CD2AP: variants seen among roughly 807,000 people sequenced by gnomAD.
CD2AP encodes the protein CD2 associated protein.
A neutral mutation model predicts 85.1 loss-of-function variants in CD2AP; 46 were observed. The ratio of observed to expected loss-of-function variants is 0.54; its 90% CI spans 0.43 to 0.69. The LOEUF is 0.69. CD2AP is among the 30% of genes least tolerant of loss of function. CD2AP has a pLI of 0.00. For missense variants in CD2AP, 769 were observed against 729.5 expected, an observed-to-expected ratio of 1.05 and a Z score of -0.62; for synonymous variants, 255 against 252.9, an observed-to-expected ratio of 1.01 and a Z score of -0.08.
chr6:47,602,935 A>G (rs1769180287), intron 13 of CD2AP, among the ~76,000 whole-genome samples: 1 of 152,050 alleles, frequency 6.6e-6, no homozygotes, highest in Non-Finnish European at 1.5e-5. Context: ...TTAAAGAAAC[A>G]CATTATTCGA....
intron 4 of CD2AP, among the ~76,000 whole-genome samples, chr6:47,547,295 A>G (rs763846209): frequency 1.3e-5 from 2 of 152,158 alleles, no homozygotes; most frequent in African/African-American, 4.8e-5. Flanking sequence ...GCTGCCTTCA[A>G]GAGACTCACT....
chr6:47,619,734 G>GT (rs1474199953), intron 17 of CD2AP, among the ~76,000 whole-genome samples: 1 of 152,120 alleles, frequency 6.6e-6, no homozygotes, highest in Non-Finnish European at 1.5e-5. Flanking sequence ...AACATCTACT[G>GT]TTTTTTGATT....
rs758523796 is a variant in CD2AP at position 47,533,657 on chromosome 6, G to T, written c.221G>T (p.Arg74Met). Reference sequence around the variant, plus strand: ...GACAGTTTGCCCATCAAACGGGAAAGGCATGGGAATGTAGCAAGTCTTGTA... The same window carrying T: ...GACAGTTTGCCCATCAAACGGGAAATGCATGGGAATGTAGCAAGTCTTGTA... ...KDDSLPIKRE[R>M]HGNVASLVQR... The change falls in exon 3 of 18, where the codon AGG becomes ATG. Residue 74 changes from arginine (R) to methionine (M), a missense_variant. Transcript: ENST00000359314. 6.9e-5 allele frequency: 112 copies of T among 1,614,066 alleles called. 1 individual carries two copies. The East Asian group carries it at 2.5e-3, about 35-fold the overall frequency.
chr6:47,545,674 CG>C (rs1336919025), intron 4 of CD2AP, among the ~76,000 whole-genome samples: 1 of 152,164 alleles, frequency 6.6e-6, no homozygotes, highest in Non-Finnish European at 1.5e-5. Flanking sequence ...AAGAGACCCA[CG>C]GATGGTTCAC....
intron 11 of CD2AP, among the ~76,000 whole-genome samples, chr6:47,583,507 A>C (rs1260235498): frequency 6.6e-6 from 1 of 152,158 alleles, no homozygotes; most frequent in East Asian, 1.9e-4. Context: ...TCATATAGTT[A>C]GAATCATACA....
In CD2AP at chr6:47,478,116, G is replaced by C; in HGVS notation, c.-129G>C. On this transcript the variant is annotated 5_prime_UTR_variant, in exon 1 of 18. Transcript: ENST00000359314. ...GCGGATGGAGGCGACTCTTCGCCCC[G>C]CCTGAGCTCAGGAGGGGCTAGCGCG... The C allele has an allele frequency of 8.1e-7, 1 of 1,231,684 alleles. No homozygotes were observed. The highest frequency in any genetic ancestry group is 1.2e-6 in the Non-Finnish European group (1 of 860,886). The allele number at this position is 1,231,684 out of a possible 1,614,324, so 76.3% of individuals were successfully genotyped here. A position where few individuals can be genotyped will look rare whatever the true frequency, so the allele number is the denominator to read the frequency against.
chr6:47,508,534 CTT>C (rs374284567), intron 2 of CD2AP, among the ~76,000 whole-genome samples: 13 of 129,374 alleles, frequency 1.0e-4, no homozygotes, highest in East Asian at 2.3e-4. Flanking sequence ...TTCTTTCTTT[CTT>C]TTTTTTTTTG....
At chr6:47,549,672 C>T (rs1371784340) in intron 4 of CD2AP, among the ~76,000 whole-genome samples, 2 of 151,628 alleles carry the variant, frequency 1.3e-5, no homozygotes, top group Admixed American at 6.6e-5. Context: ...AATTCCTATA[C>T]ATACCACCAT....
At chr6:47,534,102 T>G (rs973677667) in intron 3 of CD2AP, among the ~76,000 whole-genome samples, 3 of 152,232 alleles carry the variant, frequency 2.0e-5, no homozygotes, top group Non-Finnish European at 4.4e-5. Flanking sequence ...TACAAGAATT[T>G]TGATAGTGCT....
rs570511925 is a variant in CD2AP at position 47,554,677 on chromosome 6, A to G, written c.452A>G (p.Asn151Ser). 17 of 1,613,840 alleles carry G rather than the reference A, an allele frequency of 1.1e-5. No homozygotes were observed. In the East Asian group the frequency reaches 3.6e-4, roughly 34 times the overall value. Residue 151 changes from asparagine to serine, a missense_variant, in exon 5 of 18, where the codon AAT becomes AGT. Coordinates refer to ENST00000359314, the MANE Select transcript of CD2AP (RefSeq NM_012120.3). ...GAAGGCTGGTGGAGTGGAACCCTGA[A>G]TAACAAGTTGGGACTGTTTCCCTCA... ...VEEGWWSGTL[N>S]NKLGLFPSNF...
chr6:47,592,312 T>C (rs564422952), intron 11 of CD2AP, among the ~76,000 whole-genome samples: 3 of 152,114 alleles, frequency 2.0e-5, no homozygotes, highest in Non-Finnish European at 4.4e-5. Context: ...AAGAATGAAG[T>C]TGGAGCCCTA....
At chr6:47,606,673 T>A (rs939202774) in intron 14 of CD2AP, among the ~76,000 whole-genome samples, 2 of 152,050 alleles carry the variant, frequency 1.3e-5, no homozygotes, top group African/African-American at 4.8e-5. Flanking sequence ...TCTAAATTTT[T>A]AAAATTAACT....
At position 47,499,732 on chromosome 6, in the gene CD2AP, G is replaced by A. The variant is rs1765953160; in HGVS notation, c.5-3548G>A. On this transcript the variant is annotated intron_variant, in intron 1 of 17. Transcript: ENST00000359314. ...CTGTTTATGTGGGTAGGAGTTAAGA[G>A]TTTTGTTGTTGTTGTTGTTGTTGTT... is the stretch of plus-strand genomic sequence containing the variant. 1.3e-5 allele frequency among the ~76,000 whole-genome samples: 2 copies of A among 152,026 alleles called. 1 individual carries two copies. Among genetic ancestry groups the A allele is most frequent in the African/African-American group, 4.8e-5 (2 of 41,348 alleles).
chr6:47,611,599 T>G (rs1298615965), intron 16 of CD2AP, among the ~76,000 whole-genome samples: 2 of 151,948 alleles, frequency 1.3e-5, no homozygotes, highest in Non-Finnish European at 2.9e-5. Context: ...TTTTTCTTCA[T>G]GAATTTTTTC....
At chr6:47,512,265 G>A (rs982169353) in intron 2 of CD2AP, among the ~76,000 whole-genome samples, 3 of 150,528 alleles carry the variant, frequency 2.0e-5, no homozygotes, top group Admixed American at 6.6e-5. Flanking sequence ...TCGCTTGAAC[G>A]TGGGAGGCGG....
At chr6:47,566,026 G>A (rs756609407) in intron 5 of CD2AP, among the ~76,000 whole-genome samples, 3 of 151,794 alleles carry the variant, frequency 2.0e-5, no homozygotes, top group Non-Finnish European at 4.4e-5. Flanking sequence ...GTTTCTTAAG[G>A]ATGTTAGGAA....
chr6:47,592,342 A>C (rs973659710), intron 11 of CD2AP, among the ~76,000 whole-genome samples: 13 of 152,178 alleles, frequency 8.5e-5, no homozygotes, highest in African/African-American at 3.1e-4. Flanking sequence ...GTAAGCAAAA[A>C]GTAACTGAAA....
chr6:47,570,962 GAT>G (rs1768133050), intron 5 of CD2AP, among the ~76,000 whole-genome samples: 1 of 151,830 alleles, frequency 6.6e-6, no homozygotes, highest in Non-Finnish European at 1.5e-5. Context: ...CTATTTTAAT[GAT>G]ATATATTTTA....
At chr6:47,601,587 A>C (rs529360639) in intron 13 of CD2AP, among the ~76,000 whole-genome samples, 233 of 152,176 alleles carry the variant, frequency 1.5e-3, no homozygotes, top group African/African-American at 5.4e-3. Context: ...TCAGTAGTGT[A>C]TGTCGTAAGC....
Sources: allele counts gnomAD v4.1 joint callset (sites outside exome capture counted in the v4.1 genomes callset), GRCh38; gene constraint gnomAD v4.1.1; transcripts MANE v1.5; gene names NCBI Gene and HGNC (gene_info 2026-07-23, HGNC 2026-07-21).